The following ANKS1B variants were observed in gnomAD, a reference collection of about 807,000 sequenced individuals.
ANKS1B encodes the protein ankyrin repeat and sterile alpha motif domain containing 1B, also known as ankyrin repeat and sterile alpha motif domain-containing protein 1B.
Under a neutral mutation model 148.3 loss-of-function variants are expected in ANKS1B, and 36 were observed. The ratio of observed to expected loss-of-function variants is 0.24; its 90% CI spans 0.19 to 0.32. The LOEUF is 0.32. Ranked by LOEUF, ANKS1B falls within the 10% of genes least tolerant of loss-of-function variation. ANKS1B has a pLI of 1.00. For synonymous variants in ANKS1B, 542 were observed against 560.8 expected, an observed-to-expected ratio of 0.97 and a Z score of 0.47; for missense variants, 1,157 against 1,542.6, an observed-to-expected ratio of 0.75 and a Z score of 4.19.
intron 10 of ANKS1B, 126 bp downstream of exon 10, chr12:99,504,350 T>G (rs2096685578): frequency 9.5e-6 from 9 of 948,966 alleles, no homozygotes; most frequent in Non-Finnish European, 1.4e-5. Flanking sequence ...AAAAAATAAT[T>G]ATTGGAACTA....
At chr12:99,132,468 T>C (rs1423080906) in intron 15 of ANKS1B, among the ~76,000 whole-genome samples, 1 of 149,136 alleles carries the variant, frequency 6.7e-6, no homozygotes, top group African/African-American at 2.5e-5. Flanking sequence ...TAGCGAGACC[T>C]TGTCCCCGCC....
chr12:98,933,629 G>A (rs758555994), intron 17 of ANKS1B, among the ~76,000 whole-genome samples: 7 of 151,774 alleles, frequency 4.6e-5, no homozygotes, highest in Admixed American at 1.3e-4. Context: ...AGTGTGGAGC[G>A]GTCTCAATTT....
rs1430058839 is a variant in ANKS1B at position 99,454,487 on chromosome 12, G to A, written c.1439-10678C>T. 2.0e-5 allele frequency among the ~76,000 whole-genome samples: 3 copies of A among 152,208 alleles called. No individual in the cohort carries two copies. In the East Asian group the frequency reaches 5.8e-4, roughly 29 times the overall value. The stretch of plus-strand genomic sequence containing the variant: ...TAGCAAAGAGTCAAAAACTCGAAGA[G>A]TTAGAGGACATCTAAAAGTCCAAGA... On this transcript the variant is annotated intron_variant, in intron 10 of 26. Transcript: ENST00000683438.
intron 1 of ANKS1B, among the ~76,000 whole-genome samples, chr12:99,886,276 A>T (rs1189982211): frequency 6.6e-6 from 1 of 152,230 alleles, no homozygotes; most frequent in African/African-American, 2.4e-5. Flanking sequence ...CTATAGGTAA[A>T]TAATTTTATT....
intron 11 of ANKS1B, among the ~76,000 whole-genome samples, chr12:99,419,364 G>C (rs1264042349): frequency 6.6e-6 from 1 of 152,062 alleles, no homozygotes; most frequent in Non-Finnish European, 1.5e-5. Context: ...ATCCATTTTA[G>C]CTAAGTTGTC....
At chr12:99,060,725 T>C (rs2042183994) in intron 16 of ANKS1B, among the ~76,000 whole-genome samples, 2 of 147,956 alleles carry the variant, frequency 1.4e-5, no homozygotes, top group South Asian at 2.1e-4. Flanking sequence ...AGAGAGCCTG[T>C]CATTCCATCA....
At chr12:99,089,311 C>A (rs187011742) in intron 15 of ANKS1B, among the ~76,000 whole-genome samples, 4 of 152,186 alleles carry the variant, frequency 2.6e-5, no homozygotes, top group Non-Finnish European at 5.9e-5. Flanking sequence ...TTTTCATCTC[C>A]CATTTTCCTC....
At chr12:99,228,957 CATT>C (rs1311443147) in intron 14 of ANKS1B, among the ~76,000 whole-genome samples, 4 of 151,638 alleles carry the variant, frequency 2.6e-5, no homozygotes, top group Admixed American at 6.6e-5. Context: ...ATTTGCTTAC[CATT>C]ATATTTGTTT....
chr12:99,950,543 A>T (rs2095192048), intron 1 of ANKS1B, among the ~76,000 whole-genome samples: 1 of 152,098 alleles, frequency 6.6e-6, no homozygotes, highest in Non-Finnish European at 1.5e-5. Context: ...TAATGTAATT[A>T]TGTTTATGTT....
rs1470774779 is a variant in ANKS1B at position 98,990,577 on chromosome 12, AAAC to A, written c.2778+62577_2778+62579del. Among the ~76,000 whole-genome samples the A allele has an allele frequency of 2.2e-4, 34 of 152,120 alleles. 1 individual carries two copies. In the South Asian group the frequency reaches 5.4e-3, roughly 24 times the overall value. On this transcript the variant is annotated intron_variant, in intron 17 of 26. Coordinates refer to ENST00000683438, the MANE Select transcript of ANKS1B (RefSeq NM_001352186.2). ...GAGAGAGAGAGAGAGAAAAAAAAAA[AAAC>A]ACTAAGTAACCAAAGATAAAGTACT...
chr12:99,510,119 C>T (rs1305508544), intron 9 of ANKS1B, among the ~76,000 whole-genome samples: 1 of 151,954 alleles, frequency 6.6e-6, no homozygotes, highest in Non-Finnish European at 1.5e-5. Context: ...CAAAATATTA[C>T]TATTCATTGA....
chr12:99,373,001 A>G (rs1448487279), intron 12 of ANKS1B, among the ~76,000 whole-genome samples: 4 of 152,338 alleles, frequency 2.6e-5, no homozygotes, highest in East Asian at 3.9e-4. Flanking sequence ...AAAAGCAAGT[A>G]TCTTCCTCAT....
intron 9 of ANKS1B, among the ~76,000 whole-genome samples, chr12:99,544,934 T>C (rs776712047): frequency 8.5e-5 from 13 of 152,190 alleles, no homozygotes; most frequent in Non-Finnish European, 1.6e-4. Flanking sequence ...CACTGTCTAA[T>C]TATTGGATTA....
chr12:99,792,667 T>C (rs1247091071), intron 4 of ANKS1B, among the ~76,000 whole-genome samples: 1 of 151,730 alleles, frequency 6.6e-6, no homozygotes, highest in African/African-American at 2.4e-5. Context: ...CATCCCTTCC[T>C]GTTTTAAAAA....
chr12:99,721,214 G>A (rs1370145879), intron 8 of ANKS1B, among the ~76,000 whole-genome samples: 2 of 151,978 alleles, frequency 1.3e-5, no homozygotes, highest in African/African-American at 2.4e-5. Flanking sequence ...CCCACTCGAA[G>A]CAGCCCTGAG....
At chr12:99,098,896 G>T (rs934614088) in intron 15 of ANKS1B, among the ~76,000 whole-genome samples, 3 of 108,702 alleles carry the variant, frequency 2.8e-5, no homozygotes, top group African/African-American at 8.6e-5. Context: ...CTGTTTTGAA[G>T]TTCTTCCTAA....
At chr12:99,224,521 T>A (rs2085583826) in intron 14 of ANKS1B, among the ~76,000 whole-genome samples, 1 of 152,120 alleles carries the variant, frequency 6.6e-6, no homozygotes, top group African/African-American at 2.4e-5. Context: ...TCTCTCTTGG[T>A]CCTGGTCCTG....
chr12:99,790,746 T>TA (rs1324348451), intron 4 of ANKS1B, among the ~76,000 whole-genome samples: 4 of 151,034 alleles, frequency 2.6e-5, no homozygotes, highest in South Asian at 2.1e-4. Flanking sequence ...TAGCTTCAAA[T>TA]AAAAAAACAT....
chr12:99,723,620 C>T (rs2058323643), intron 8 of ANKS1B, among the ~76,000 whole-genome samples: 1 of 152,184 alleles, frequency 6.6e-6, no homozygotes, highest in Non-Finnish European at 1.5e-5. Flanking sequence ...CAGCAAAGCA[C>T]TCCCCCTCCA....
Sources: allele counts gnomAD v4.1 joint callset (sites outside exome capture counted in the v4.1 genomes callset), GRCh38; gene constraint gnomAD v4.1.1; transcripts MANE v1.5; gene names NCBI Gene and HGNC (gene_info 2026-07-23, HGNC 2026-07-21).